The following RAB37 variants were observed in gnomAD, a reference collection of about 807,000 sequenced individuals.
RAB37 encodes RAB37, member RAS oncogene family.
Under a neutral mutation model 33.1 loss-of-function variants are expected in RAB37, and 29 were observed. The observed-to-expected ratio is 0.88, with a 90% CI of 0.65 to 1.20. RAB37 has a LOEUF of 1.20. Among genes scored for constraint, RAB37 ranks in the 50% most tolerant of loss-of-function variants. The pLI is 0.00. For missense variants in RAB37, 299 were observed against 301.1 expected, an observed-to-expected ratio of 0.99 and a Z score of 0.05; for synonymous variants, 128 against 119.5, an observed-to-expected ratio of 1.07 and a Z score of -0.47.
rs766791134 is a variant in RAB37, at chr17:74,737,324, C to G, written c.52C>G (p.Arg18Gly). Residue 18 changes from arginine (R) to glycine (G), a missense_variant, in exon 1 of 9, where the codon CGC becomes GGC. Coordinates refer to ENST00000392613, the MANE Select transcript of RAB37 (RefSeq NM_001006638.3). ...CACCCGGGATGGCGAGGCCCCCGAGCGCTCCCCGCCCTGCAGTCCGAGCTA... is the reference window on the plus strand; with the variant it reads ...CACCCGGGATGGCGAGGCCCCCGAGGGCTCCCCGCCCTGCAGTCCGAGCTA... ...VATRDGEAPE[R>G]SPPCSPSYDL... The G allele has an allele frequency of 6.3e-7, 1 of 1,577,186 alleles. No individual in the cohort carries two copies. The highest frequency in any genetic ancestry group is 1.1e-5 in the South Asian group (1 of 87,284).
chr17:74,695,244 A>C, intron 1 of RAB37: 1 of 1,614,052 alleles, frequency 6.2e-7, no homozygotes, highest in African/African-American at 1.3e-5. Flanking sequence ...CTCCTTCGGC[A>C]AGGAAGCCTG....
intron 1 of RAB37, among the ~76,000 whole-genome samples, chr17:74,690,855 C>T (rs2032145535): frequency 6.6e-6 from 1 of 152,238 alleles, no homozygotes; most frequent in African/African-American, 2.4e-5. Flanking sequence ...CAGACTGCCA[C>T]CAATTCAGAG....
intron 1 of RAB37, among the ~76,000 whole-genome samples, chr17:74,685,125 CT>C (rs2032029600): frequency 6.6e-6 from 1 of 150,864 alleles, no homozygotes; most frequent in Admixed American, 6.6e-5. Context: ...AAAAAGAAGG[CT>C]CCTATAGGTA....
At chr17:74,714,890 G>A (rs2034145046) in intron 1 of RAB37, among the ~76,000 whole-genome samples, 1 of 152,178 alleles carries the variant, frequency 6.6e-6, no homozygotes, top group Non-Finnish European at 1.5e-5. Context: ...GGGAGGCCAA[G>A]GCAGGTGGAT....
chr17:74,675,751 G>C (rs1055800109), intron 1 of RAB37, among the ~76,000 whole-genome samples: 1 of 152,128 alleles, frequency 6.6e-6, no homozygotes, highest in Non-Finnish European at 1.5e-5. Flanking sequence ...AAAAACATAC[G>C]CCAAATATCA....
At chr17:74,741,496 G>T (rs2034613937) in intron 2 of RAB37, among the ~76,000 whole-genome samples, 1 of 151,100 alleles carries the variant, frequency 6.6e-6, no homozygotes, top group African/African-American at 2.4e-5. Context: ...TGAGGCAGGA[G>T]AATCGCTCAA....
intron 1 of RAB37, among the ~76,000 whole-genome samples, chr17:74,702,863 A>C (rs375247566): frequency 6.6e-6 from 1 of 152,222 alleles, no homozygotes; most frequent in South Asian, 2.1e-4. Context: ...GTGGAGACTG[A>C]AAGGACACCA....
chr17:74,704,383 A>G, intron 1 of RAB37: 2 of 915,720 alleles, frequency 2.2e-6, no homozygotes, highest in East Asian at 4.8e-5. Context: ...CAAGTGATAG[A>G]TCACTCAGTG....
intron 1 of RAB37, among the ~76,000 whole-genome samples, chr17:74,674,803 C>T (rs1383377790): frequency 6.6e-6 from 1 of 152,222 alleles, no homozygotes; most frequent in Admixed American, 6.5e-5. Context: ...AGAACCTTGT[C>T]AGCTTCCCAA....
Position 74,730,042 on chromosome 17 carries a change from C to T in RAB37, c.183+676C>T, listed in dbSNP as rs115945801. Among the ~76,000 whole-genome samples, 623 of 152,306 alleles carry T rather than the reference C, an allele frequency of 4.1e-3. 8 individuals are homozygous for T. The highest frequency in any genetic ancestry group is 0.013 in the African/African-American group (557 of 41,580). ...CCTCGGCTTTTTCTGCCCGCAGCCC[C>T]TCTGCGAGACAAGGGATCCCTCCTT... On this transcript the variant is annotated intron_variant, in intron 2 of 7. Coordinates refer to the RAB37 transcript ENST00000340415. This position sits in a 1 kb window ranked among gnomAD's most constrained non-coding sequence, Gnocchi z 4.4.
At chr17:74,695,032 A>G (rs758910667) in intron 1 of RAB37, 245 of 1,535,794 alleles carry the variant, frequency 1.6e-4, no homozygotes, top group Non-Finnish European at 2.0e-4. Context: ...AGCAGGGGGC[A>G]GACGGTCGAT....
chr17:74,740,672 G>GC, intron 1 of RAB37, 96 bp from the exon 2 acceptor site: 1 of 881,248 alleles, frequency 1.1e-6, no homozygotes, highest in Non-Finnish European at 1.9e-6. Flanking sequence ...ATTCGTGCCA[G>GC]CCCCCTCTTC....
rs187797341 is a variant in RAB37 at position 74,703,126 on chromosome 17, T to C, written c.73-26130T>C. ...GTAAACGTAGTGGAGGTAGGCGTGG[T>C]GGGGGCAGGAGTCGACGCTGTAGTT... is the stretch of plus-strand genomic sequence containing the variant. On this transcript the variant is annotated intron_variant, in intron 1 of 7. Coordinates refer to the RAB37 transcript ENST00000340415. 4,515 of 1,613,566 alleles carry C rather than the reference T, an allele frequency of 2.8e-3. 9 individuals carry two copies. Among genetic ancestry groups the C allele is most frequent in the Non-Finnish European group, 3.4e-3 (3,959 of 1,179,764 alleles).
intron 1 of RAB37, among the ~76,000 whole-genome samples, chr17:74,702,033 GA>G (rs1221608697): frequency 2.0e-5 from 3 of 151,184 alleles, no homozygotes; most frequent in South Asian, 4.2e-4. Flanking sequence ...TAAAAAAAAA[GA>G]AAACTTTAAA....
intron 1 of RAB37, among the ~76,000 whole-genome samples, chr17:74,690,102 C>A (rs1598188770): frequency 6.6e-6 from 1 of 152,222 alleles, no homozygotes; most frequent in South Asian, 2.1e-4. Flanking sequence ...CAGTCGTGCA[C>A]AACCACACCC....
intron 1 of RAB37, chr17:74,712,901 G>A: frequency 6.2e-7 from 1 of 1,611,070 alleles, no homozygotes; most frequent in Non-Finnish European, 8.5e-7. Context: ...CCCCTCAGTG[G>A]AGCCTGGCAG....
chr17:74,710,597 G>T (rs1460831173), intron 1 of RAB37, among the ~76,000 whole-genome samples: 2 of 151,746 alleles, frequency 1.3e-5, no homozygotes, highest in African/African-American at 4.8e-5. Context: ...GGTGGCTCAC[G>T]CCTGTAATCC....
intron 1 of RAB37, among the ~76,000 whole-genome samples, chr17:74,677,013 G>A (rs923539229): frequency 6.6e-6 from 1 of 151,946 alleles, no homozygotes; most frequent in Non-Finnish European, 1.5e-5. Context: ...AGTCAGCCGT[G>A]GTGGTGCACG....
chr17:74,698,328 C>T (rs2032706227), intron 1 of RAB37: 4 of 1,416,916 alleles, frequency 2.8e-6, no homozygotes, highest in Non-Finnish European at 4.0e-6. Flanking sequence ...TCCCCAGCCA[C>T]CCGGCCCAGT....
Sources: allele counts gnomAD v4.1 joint callset (sites outside exome capture counted in the v4.1 genomes callset), GRCh38; gene constraint gnomAD v4.1.1; non-coding constraint Gnocchi (gnomAD v3.1); transcripts MANE v1.5; gene names NCBI Gene and HGNC (gene_info 2026-07-23, HGNC 2026-07-21).